The following KIF13A variants were observed in gnomAD, a reference collection of about 807,000 sequenced individuals.
KIF13A encodes the protein kinesin-like protein KIF13A.
A neutral mutation model predicts 212.2 loss-of-function variants in KIF13A; 79 were observed. The ratio of observed to expected loss-of-function variants is 0.37; its 90% CI spans 0.31 to 0.45. The LOEUF (loss-of-function observed/expected upper bound fraction) is 0.45, where lower values mean the gene tolerates loss of function less well. Among genes scored for constraint, KIF13A ranks in the 20% least tolerant of loss-of-function variants. The probability of loss-of-function intolerance (pLI) is 1.00; values close to 1 mark genes in which losing one functional copy is unlikely to be tolerated. For synonymous variants in KIF13A, 789 were observed against 808.6 expected (o/e 0.98, Z 0.41); for missense variants, 1,901 against 2,209.0 (o/e 0.86, Z 2.79).
chr6:17,828,347 A>G lies in KIF13A; in HGVS notation c.1425T>C (p.Asp475=). Residue 475 remains aspartate, a synonymous_variant, in exon 14 of 39, where the codon GAT becomes GAC. Transcript: ENST00000259711. The surrounding 1 kb of genome is among the most constrained non-coding windows in gnomAD (Gnocchi z 4.3). ...CAAAAAGCTGGATATCTTGAGAGGT[A>G]TCTGCACCCACCCTGGTGTGATCCT... ...YLKDHTRVGA[D]TSQDIQLFGI... 6.2e-7 allele frequency: 1 copy of G among 1,611,938 alleles called. No homozygotes were observed. The highest frequency in any genetic ancestry group is 8.5e-7 in the Non-Finnish European group (1 of 1,179,008).
At chr6:17,945,243 G>A (rs1462891390) in intron 2 of KIF13A, among the ~76,000 whole-genome samples, 2 of 152,088 alleles carry the variant, frequency 1.3e-5, no homozygotes, top group African/African-American at 2.4e-5. Flanking sequence ...AACACTGAAC[G>A]AAAGAAGCTA....
rs969620129 is a variant in KIF13A, at chr6:17,872,845, A to C, written c.220+532T>G. Among the ~76,000 whole-genome samples the C allele has an allele frequency of 6.6e-6, 1 of 152,122 alleles. No homozygotes were observed. The highest frequency in any genetic ancestry group is 1.5e-5 in the Non-Finnish European group (1 of 68,024). ...GAGACGGGGTTTTGCTATGTTATTC[A>C]AGCTGGTCTTGAACTCCTGACCTCA... is the stretch of plus-strand genomic sequence containing the variant. On this transcript the variant is annotated intron_variant, in intron 4 of 38. Coordinates refer to ENST00000259711, the MANE Select transcript of KIF13A (RefSeq NM_022113.6). This position sits in a 1 kb window ranked among gnomAD's most constrained non-coding sequence, Gnocchi z 4.7.
At chr6:17,841,122 C>G (rs1388337194) in intron 9 of KIF13A, among the ~76,000 whole-genome samples, 1 of 151,360 alleles carries the variant, frequency 6.6e-6, no homozygotes, top group Admixed American at 6.6e-5. Context: ...ACTTTGTTGC[C>G]CAGGCACTGG....
At chr6:17,807,452 C>T (rs1188623448) in intron 18 of KIF13A, among the ~76,000 whole-genome samples, 2 of 152,046 alleles carry the variant, frequency 1.3e-5, no homozygotes, top group Non-Finnish European at 2.9e-5. Context: ...TACCCTCAAG[C>T]TTACTAGGGT....
Position 17,779,551 on chromosome 6 carries a change from C to T in KIF13A, c.3939+41G>A, listed in dbSNP as rs370198685. On this transcript the variant is annotated intron_variant, in intron 32 of 38. Coordinates refer to ENST00000259711, the MANE Select transcript of KIF13A (RefSeq NM_022113.6). ...CCTCTCAAAGTGCTGGGATTACAGGCATGAGCCACTGCGCCCGGCCTAAAG... is the reference window on the plus strand; with the variant it reads ...CCTCTCAAAGTGCTGGGATTACAGGTATGAGCCACTGCGCCCGGCCTAAAG... The T allele has an allele frequency of 9.8e-4, 874 of 893,624 alleles. 11 individuals are homozygous for T. The highest frequency in any genetic ancestry group is 8.2e-3 in the South Asian group (580 of 71,106). The allele number at this position is 893,624 out of a possible 1,614,324, so 55.4% of individuals were successfully genotyped here.
rs1270584345 is a variant in KIF13A at position 17,981,755 on chromosome 6, C to T, written c.146+5299G>A. ...TTATTCTTTGCTTTCTTACAATTAA[C>T]TCTGTAATATGGGCAGAGAGAAGAA... On this transcript the variant is annotated intron_variant, in intron 2 of 38. Transcript: ENST00000259711. Among the ~76,000 whole-genome samples the T allele has an allele frequency of 2.6e-5, 4 of 152,156 alleles. No homozygotes were observed. In the East Asian group the frequency reaches 7.7e-4, roughly 29 times the overall value.
chr6:17,901,507 G>A (rs1434633517), intron 2 of KIF13A, among the ~76,000 whole-genome samples: 5 of 152,108 alleles, frequency 3.3e-5, no homozygotes, highest in Admixed American at 2.6e-4. Flanking sequence ...CCAATCACCA[G>A]CAGCCAACTG....
intron 16 of KIF13A, among the ~76,000 whole-genome samples, chr6:17,821,634 G>A (rs1207267792): frequency 7.0e-6 from 1 of 141,860 alleles, no homozygotes; most frequent in Non-Finnish European, 1.5e-5. Flanking sequence ...CCTCAATGAA[G>A]AATACAGAAC....
chr6:17,763,899 A>G lies in KIF13A; in HGVS notation c.*211T>C. ...TGAACACTTCATTCAACACCAACCCATGTGCCAGGTAAAAAAATCCACTGG... is the reference window on the plus strand; with the variant it reads ...TGAACACTTCATTCAACACCAACCCGTGTGCCAGGTAAAAAAATCCACTGG... On this transcript the variant is annotated 3_prime_UTR_variant, in exon 39 of 39. Transcript: ENST00000259711. 9.2e-6 allele frequency: 13 copies of G among 1,416,868 alleles called. No homozygotes were observed. In the South Asian group the frequency reaches 2.0e-4, roughly 22 times the overall value. The allele number at this position is 1,416,868 out of a possible 1,614,324, so 87.8% of individuals were successfully genotyped here. A position where few individuals can be genotyped will look rare whatever the true frequency, so the allele number is the denominator to read the frequency against.
rs1760488789 is a variant in KIF13A at position 17,780,710 on chromosome 6, CA to C, written c.3846+19del. ...TTTTGAGCTCAGAGCCAGAATGGCA[CA>C]ATCAGGCCCCGTTATTACCTGTTTG... On this transcript the variant is annotated intron_variant, in intron 31 of 38. Transcript: ENST00000259711. 6.2e-7 allele frequency: 1 copy of C among 1,608,628 alleles called. No individual in the cohort carries two copies. The highest frequency in any genetic ancestry group is 1.3e-5 in the African/African-American group (1 of 74,968).
intron 16 of KIF13A, among the ~76,000 whole-genome samples, chr6:17,818,879 G>A (rs1330068987): frequency 6.6e-6 from 1 of 152,076 alleles, no homozygotes; most frequent in Non-Finnish European, 1.5e-5. Context: ...CTGTGAAAGA[G>A]TGATACTTTT....
At chr6:17,763,676 T>C (rs1319405915), downstream of KIF13A, 3 of 206,916 alleles carry the variant, frequency 1.4e-5, no homozygotes, top group Non-Finnish European at 2.6e-5. Flanking sequence ...ATCTCTGAAA[T>C]TGGGGTGTCT....
chr6:17,855,545 A>T lies in KIF13A; in HGVS notation c.386T>A (p.Leu129Ter). 1 of 1,613,858 alleles carries T rather than the reference A, an allele frequency of 6.2e-7. No homozygotes were observed. The highest frequency in any genetic ancestry group is 8.5e-7 in the Non-Finnish European group (1 of 1,179,812). ...TTGCTCCAAAGAGATCCTTTTAAAT[A>T]AAGCACAGCAGAGCCTTGGAATAAG... Reference protein sequence around the residue: ...LGLIPRLCCALFKRISLEQNE... With the variant: ...LGLIPRLCCA Residue 129 changes from leucine to a stop codon, truncating the protein, a stop_gained, in exon 6 of 39, where the codon TTA becomes TAA. Transcript: ENST00000259711. LOFTEE classifies it high-confidence loss of function. The surrounding 1 kb of genome is among the most constrained non-coding windows in gnomAD (Gnocchi z 4.1).
chr6:17,764,464 T>C lies in KIF13A; in HGVS notation c.5064A>G (p.Lys1688=), dbSNP rs1409142842. The C allele has an allele frequency of 9.9e-6, 16 of 1,613,998 alleles. No individual in the cohort carries two copies. The highest frequency in any genetic ancestry group is 1.3e-5 in the Non-Finnish European group (15 of 1,179,884). ...CAGTCCTGCACAGTGATTTGGAGTT[T>C]TTCTCAGGGATGCTCTGGGATGATG... ...GSPSSQSIPE[K]NSKSLCRTGS... Residue 1688 remains lysine (K), a synonymous_variant, in exon 39 of 39, where the codon AAA becomes AAG. Transcript: ENST00000259711. This position sits in a 1 kb window ranked among gnomAD's most constrained non-coding sequence, Gnocchi z 5.1.
chr6:17,902,772 A>C (rs1046201528), intron 2 of KIF13A, among the ~76,000 whole-genome samples: 2 of 152,232 alleles, frequency 1.3e-5, no homozygotes, highest in Non-Finnish European at 2.9e-5. Flanking sequence ...TGATGCCTTC[A>C]GTAACTGTCT....
chr6:17,975,549 A>G (rs1491004275), intron 2 of KIF13A, among the ~76,000 whole-genome samples: 1 of 150,094 alleles, frequency 6.7e-6, no homozygotes, highest in East Asian at 1.9e-4. Context: ...GACCAAAAGA[A>G]AAAAAAGCTT....
chr6:17,895,853 C>T lies in KIF13A; in HGVS notation c.159+2315G>A, dbSNP rs1772512141. ...AATATTTTGTCCAGTCCTAGTTGTC[C>T]TCAGTGGAAAAGGCAATGCTAATTA... On this transcript the variant is annotated intron_variant, in intron 3 of 38. Transcript: ENST00000259711. The surrounding 1 kb of genome is among the most constrained non-coding windows in gnomAD (Gnocchi z 4.4). Among the ~76,000 whole-genome samples the T allele has an allele frequency of 6.6e-6, 1 of 152,146 alleles. No individual in the cohort carries two copies. Among genetic ancestry groups the T allele is most frequent in the South Asian group, 2.1e-4 (1 of 4,834 alleles).
At position 17,866,488 on chromosome 6, in the gene KIF13A, C is replaced by T. The variant is rs1769381353; in HGVS notation, c.220+6889G>A. On this transcript the variant is annotated intron_variant, in intron 4 of 38. Coordinates refer to ENST00000259711, the MANE Select transcript of KIF13A (RefSeq NM_022113.6). ...GTCATTAACTAACATCCACATTTAC[C>T]AATGCTTTCAGTGCTCTCATAGGGA... Among the ~76,000 whole-genome samples the T allele has an allele frequency of 2.6e-5, 4 of 152,142 alleles. No homozygotes were observed. In the South Asian group the frequency reaches 8.3e-4, roughly 32 times the overall value.
At position 17,771,081 on chromosome 6, in the gene KIF13A, AG is replaced by A. The variant is rs762119226; in HGVS notation, c.4581+32del. 1.8e-5 allele frequency: 26 copies of A among 1,426,572 alleles called. 1 individual carries two copies. Among genetic ancestry groups the A allele is most frequent in the South Asian group, 7.1e-5 (6 of 84,498 alleles). 88.4% of individuals were successfully genotyped at this position (1,426,572 alleles called of 1,614,324 possible). The stretch of plus-strand genomic sequence containing the variant: ...GTGAAAGGGCCTTAAACCCACCACC[AG>A]GCAATATGACAGAAATGGTTCCGGA... On this transcript the variant is annotated intron_variant, in intron 38 of 38. Coordinates refer to ENST00000259711, the MANE Select transcript of KIF13A (RefSeq NM_022113.6). The surrounding 1 kb of genome is among the most constrained non-coding windows in gnomAD (Gnocchi z 5.4).
Sources: allele counts gnomAD v4.1 joint callset (sites outside exome capture counted in the v4.1 genomes callset), GRCh38; gene constraint gnomAD v4.1.1; non-coding constraint Gnocchi (gnomAD v3.1); transcripts MANE v1.5; gene names NCBI Gene and HGNC (gene_info 2026-07-23, HGNC 2026-07-21).